C2CD3: variants seen among roughly 807,000 people sequenced by gnomAD.
The protein encoded by C2CD3 is C2 domain containing 3 centriole elongation regulator, also known as C2 domain-containing protein 3.
C2CD3 carries 148 observed loss-of-function variants against 234.0 expected under a neutral mutation model. The ratio of observed to expected loss-of-function variants is 0.63; its 90% confidence interval spans 0.55 to 0.72. C2CD3 has a LOEUF of 0.72. C2CD3 is among the 30% of genes least tolerant of loss of function. C2CD3 has a pLI of 0.00. For synonymous variants in C2CD3, 1,000 were observed against 1,035.4 expected, an observed-to-expected ratio of 0.97 and a Z score of 0.66; for missense variants, 2,577 against 2,811.5, an observed-to-expected ratio of 0.92 and a Z score of 1.89.
chr11:74,156,459 CAAAAAAAA>C (rs530606913), intron 3 of C2CD3, among the ~76,000 whole-genome samples: 1 of 40,932 alleles, frequency 2.4e-5, no homozygotes, highest in Non-Finnish European at 5.5e-5. Flanking sequence ...GACCCTATCT[CAAAAAAAA>C]AAAAAAAAAA....
At chr11:74,034,561 G>T in intron 30 of C2CD3, 1 of 1,613,674 alleles carries the variant, frequency 6.2e-7, no homozygotes, top group East Asian at 2.2e-5. Flanking sequence ...GTTGGGAGCT[G>T]GGAGTCCTGG....
intron 1 of C2CD3, among the ~76,000 whole-genome samples, chr11:74,169,286 T>C (rs1308396229): frequency 2.6e-5 from 4 of 152,232 alleles, no homozygotes; most frequent in Non-Finnish European, 5.9e-5. Flanking sequence ...TTAGTATTTA[T>C]TGGGTTTCAT....
chr11:74,144,795 T>C (rs1271165712), intron 3 of C2CD3, among the ~76,000 whole-genome samples: 1 of 152,208 alleles, frequency 6.6e-6, no homozygotes, highest in African/African-American at 2.4e-5. Flanking sequence ...TTCTTTTTTA[T>C]GGCTGCATAG....
intron 3 of C2CD3, among the ~76,000 whole-genome samples, chr11:74,146,132 A>G (rs1855170993): frequency 6.6e-6 from 1 of 152,220 alleles, no homozygotes; most frequent in Non-Finnish European, 1.5e-5. Context: ...TATTTTTTTA[A>G]GTAAATAATG....
rs1431591953 is a variant in C2CD3, at chr11:74,161,556, T to A, written c.326A>T (p.Asp109Val). ...TACTTCCAGCACCAGCACAGCCATA[T>A]CTAACCAGAAACAATTACAACATGG... ...GPKQFTSYLT[D>V]MAVLVLEVIT... The change falls in exon 3 of 33, where the codon GAT becomes GTT. Residue 109 changes from aspartate to valine, a missense_variant and splice_region_variant. Coordinates refer to ENST00000334126, the MANE Select transcript of C2CD3 (RefSeq NM_001286577.2). The A allele has an allele frequency of 6.4e-7, 1 of 1,555,694 alleles. No individual in the cohort carries two copies. The highest frequency in any genetic ancestry group is 2.1e-5 in the Admixed American group (1 of 47,220).
At chr11:74,118,159 C>T in intron 9 of C2CD3, 69 bp downstream of exon 9, 1 of 1,311,654 alleles carries the variant, frequency 7.6e-7, no homozygotes, top group Non-Finnish European at 1.1e-6. Flanking sequence ...GGTCATTTCA[C>T]CTTGGGAGAT....
intron 23 of C2CD3, among the ~76,000 whole-genome samples, chr11:74,076,404 G>T (rs896449329): frequency 6.6e-6 from 1 of 152,146 alleles, no homozygotes; most frequent in Non-Finnish European, 1.5e-5. Flanking sequence ...CAACTAACTG[G>T]ACAGCAATGT....
intron 3 of C2CD3, among the ~76,000 whole-genome samples, chr11:74,156,063 C>G (rs1312726989): frequency 6.6e-6 from 1 of 152,004 alleles, no homozygotes; most frequent in African/African-American, 2.4e-5. Context: ...ATCATGAGGT[C>G]AGGAGATTGA....
At chr11:74,101,279 GCAC>G (rs1956306062) in intron 14 of C2CD3, among the ~76,000 whole-genome samples, 1 of 152,174 alleles carries the variant, frequency 6.6e-6, no homozygotes, top group Non-Finnish European at 1.5e-5. Flanking sequence ...TAAGCCAAAA[GCAC>G]CTTTGTCAAA....
At chr11:74,117,213 A>AATATATATATATGAAT (rs1957050570) in intron 9 of C2CD3, among the ~76,000 whole-genome samples, 1 of 70,640 alleles carries the variant, frequency 1.4e-5, no homozygotes, top group African/African-American at 1.1e-4. Context: ...TATATATATG[A>AATATATATATATGAAT]ATATATATAT....
chr11:74,168,171 C>T lies in C2CD3; in HGVS notation c.325+173G>A. ...GTAATACATTTCAAAACTGCTGGCA[C>T]ACAGTAACACTCAATAAATTTACAA... On this transcript the variant is annotated intron_variant, in intron 2 of 32. Coordinates refer to ENST00000334126, the MANE Select transcript of C2CD3 (RefSeq NM_001286577.2). 8.4e-6 allele frequency: 5 copies of T among 594,838 alleles called. 1 individual carries two copies. The South Asian group carries it at 1.1e-4, about 13-fold the overall frequency. 36.8% of individuals were successfully genotyped at this position (594,838 alleles called of 1,614,324 possible). A position where few individuals can be genotyped will look rare whatever the true frequency, so the allele number is the denominator to read the frequency against.
intron 13 of C2CD3, among the ~76,000 whole-genome samples, chr11:74,104,858 C>T (rs1374964715): frequency 6.6e-6 from 1 of 152,108 alleles, no homozygotes; most frequent in African/African-American, 2.4e-5. Flanking sequence ...AGAGCCAGAA[C>T]AGAAAAAATT....
intron 24 of C2CD3, among the ~76,000 whole-genome samples, chr11:74,063,644 T>A (rs1014629968): frequency 3.9e-5 from 6 of 152,246 alleles, no homozygotes; most frequent in African/African-American, 7.2e-5. Context: ...TAAGAGCTAT[T>A]TATGACAAAC....
intron 30 of C2CD3, among the ~76,000 whole-genome samples, chr11:74,037,132 A>G (rs1952786424): frequency 6.6e-6 from 1 of 152,170 alleles, no homozygotes; most frequent in African/African-American, 2.4e-5. Flanking sequence ...AAGAATTGCT[A>G]TTGAGGAACC....
At chr11:74,166,032 C>G (rs546490497) in intron 2 of C2CD3, among the ~76,000 whole-genome samples, 1 of 152,028 alleles carries the variant, frequency 6.6e-6, no homozygotes, top group African/African-American at 2.4e-5. Context: ...TCATGTCGGC[C>G]GGGTGCGGTG....
At chr11:74,085,972 C>T in intron 20 of C2CD3, 86 bp from the exon 21 acceptor site, 1 of 1,314,270 alleles carries the variant, frequency 7.6e-7, no homozygotes, top group Admixed American at 2.6e-5. Flanking sequence ...TTCATTACTT[C>T]TATGAGACCA....
intron 8 of C2CD3, among the ~76,000 whole-genome samples, chr11:74,120,480 G>A (rs903754004): frequency 2.6e-5 from 4 of 152,162 alleles, no homozygotes; most frequent in Non-Finnish European, 5.9e-5. Context: ...TGGCTGCATA[G>A]TATTCCACGG....
Position 74,119,386 on chromosome 11 carries a change from C to A in C2CD3, c.1366-1004G>T, listed in dbSNP as rs114855799. 2.6e-3 allele frequency among the ~76,000 whole-genome samples: 399 copies of A among 152,116 alleles called. 3 individuals are homozygous for A. Among genetic ancestry groups the A allele is most frequent in the African/African-American group, 8.4e-3 (349 of 41,494 alleles). On this transcript the variant is annotated intron_variant, in intron 8 of 32. Transcript: ENST00000334126. ...AGCTACTGCAATGGACTGATCAGCC[C>A]TCTACATCACAAAATGTAAAATAAA...
intron 20 of C2CD3, 37 bp downstream of exon 20, chr11:74,090,775 TA>T: frequency 6.2e-7 from 1 of 1,613,264 alleles, no homozygotes; most frequent in Non-Finnish European, 8.5e-7. Context: ...GATTGCAGTG[TA>T]AAAGGCTTGA....
Sources: gnomAD v4.1 joint callset for allele counts (sites outside exome capture counted in the v4.1 genomes callset) on GRCh38, gnomAD v4.1.1 for gene constraint, MANE v1.5 for transcripts, NCBI Gene and HGNC (gene_info 2026-07-23, HGNC 2026-07-21) for gene names.